Variants in GPBP1L1 observed in about 807,000 individuals in gnomAD.
The protein encoded by GPBP1L1 is vasculin-like protein 1.
In GPBP1L1, 23 loss-of-function variants were observed where a neutral mutation model predicts 52.5. The observed-to-expected ratio is 0.44, with a 90% CI of 0.32 to 0.62. The LOEUF is 0.62. GPBP1L1 is among the 20% of genes least tolerant of loss of function. The probability of loss-of-function intolerance (pLI) is 0.06; values close to 1 mark genes in which losing one functional copy is unlikely to be tolerated. For missense variants in GPBP1L1, 596 were observed against 579.3 expected (o/e 1.03, Z -0.30); for synonymous variants, 243 against 203.1 (o/e 1.20, Z -1.67).
chr1:45,670,787 C>CTTTTTT (rs1157864588), intron 2 of GPBP1L1, among the ~76,000 whole-genome samples: 31 of 111,172 alleles, frequency 2.8e-4, no homozygotes, highest in East Asian at 5.4e-4. Flanking sequence ...TACCATATGT[C>CTTTTTT]TTTTTTTTTT....
chr1:45,674,656 G>A (rs1446429843), intron 2 of GPBP1L1, among the ~76,000 whole-genome samples: 1 of 152,202 alleles, frequency 6.6e-6, no homozygotes, highest in African/African-American at 2.4e-5. Flanking sequence ...GCTGGGCAGT[G>A]CCAGCAAGCC....
At chr1:45,657,471 G>C (rs1644898456) in intron 4 of GPBP1L1, among the ~76,000 whole-genome samples, 1 of 152,132 alleles carries the variant, frequency 6.6e-6, no homozygotes, top group African/African-American at 2.4e-5. Context: ...GGGAAGTCAA[G>C]GCTGCAGTAA....
chr1:45,637,522 A>G (rs1569768704), intron 8 of GPBP1L1, among the ~76,000 whole-genome samples: 2 of 114,416 alleles, frequency 1.7e-5, no homozygotes, highest in Admixed American at 1.8e-4. Flanking sequence ...TCAAGCTTCA[A>G]GAGCAGCAGC....
chr1:45,630,114 C>T (rs549175910), intron 11 of GPBP1L1, among the ~76,000 whole-genome samples: 1 of 152,284 alleles, frequency 6.6e-6, no homozygotes, highest in East Asian at 1.9e-4. Flanking sequence ...CCATGCCCAG[C>T]TACTTTTTGT....
rs1644857459 is a variant in GPBP1L1 at position 45,654,426 on chromosome 1, C to T, written c.477+117G>A. ...TTCTTTCCTCTAAAACAATAAAAAC[C>T]TCAACTTACAAATTCCTTTTTCTGT... On this transcript the variant is annotated intron_variant, in intron 6 of 12. Coordinates refer to ENST00000355105, the MANE Select transcript of GPBP1L1 (RefSeq NM_021639.5). 3.8e-6 allele frequency: 4 copies of T among 1,053,732 alleles called. No homozygotes were observed. The African/African-American group carries it at 4.8e-5, about 13-fold the overall frequency. 65.3% of individuals were successfully genotyped at this position (1,053,732 alleles called of 1,614,324 possible). A position where few individuals can be genotyped will look rare whatever the true frequency, so the allele number is the denominator to read the frequency against.
chr1:45,658,012 C>T (rs897308199), intron 4 of GPBP1L1, among the ~76,000 whole-genome samples: 31 of 152,124 alleles, frequency 2.0e-4, no homozygotes, highest in African/African-American at 5.6e-4. Flanking sequence ...TTCCTCTATT[C>T]GCTGGCAAAA....
intron 2 of GPBP1L1, among the ~76,000 whole-genome samples, chr1:45,672,975 T>C: frequency 6.6e-6 from 1 of 152,198 alleles, no homozygotes; most frequent in East Asian, 1.9e-4. Context: ...TTTTGAGAAG[T>C]GTTGCTGCAC....
chr1:45,685,936 T>TG (rs1645275905), intron 1 of GPBP1L1, among the ~76,000 whole-genome samples: 1 of 151,608 alleles, frequency 6.6e-6, no homozygotes, highest in South Asian at 2.1e-4. Context: ...ACCGGAAAGC[T>TG]GGGGGTTAAA....
At chr1:45,669,568 T>C (rs189026405) in intron 2 of GPBP1L1, among the ~76,000 whole-genome samples, 73 of 152,276 alleles carry the variant, frequency 4.8e-4, no homozygotes, top group African/African-American at 1.3e-3. Flanking sequence ...ATAACAGACA[T>C]AGTTTAGTCA....
chr1:45,639,239 G>A (rs1488379658), intron 8 of GPBP1L1, among the ~76,000 whole-genome samples: 1 of 152,064 alleles, frequency 6.6e-6, no homozygotes, highest in Non-Finnish European at 1.5e-5. Context: ...AGTTCTGTAG[G>A]ACACAGAGAC....
At chr1:45,658,996 T>G in intron 4 of GPBP1L1, 32 bp downstream of exon 4, 47 of 1,437,784 alleles carry the variant, frequency 3.3e-5, no homozygotes, top group Middle Eastern at 1.7e-4. Flanking sequence ...CTCTCATATT[T>G]GAGAAGTTAC....
At chr1:45,642,333 A>C in intron 7 of GPBP1L1, 94 bp downstream of exon 7, 6 of 852,494 alleles carry the variant, frequency 7.0e-6, no homozygotes, top group African/African-American at 1.7e-5. Flanking sequence ...TGAGATGAGA[A>C]ACAAGAGATA....
intron 4 of GPBP1L1, among the ~76,000 whole-genome samples, chr1:45,657,687 C>CA (rs975716960): frequency 2.0e-5 from 3 of 151,952 alleles, no homozygotes; most frequent in Non-Finnish European, 2.9e-5. Context: ...CCTATCTCTA[C>CA]AAAAAACCCA....
intron 6 of GPBP1L1, among the ~76,000 whole-genome samples, chr1:45,643,403 T>C (rs531624857): frequency 1.3e-5 from 2 of 152,288 alleles, no homozygotes; most frequent in African/African-American, 4.8e-5. Context: ...GTTAACATTA[T>C]CTAATTATCA....
intron 6 of GPBP1L1, among the ~76,000 whole-genome samples, chr1:45,643,738 T>C (rs910933609): frequency 2.2e-5 from 3 of 134,202 alleles, no homozygotes; most frequent in Admixed American, 1.7e-4. Context: ...GGCACAATCC[T>C]GGCTCATTGC....
At chr1:45,658,259 C>G (rs1022588048) in intron 4 of GPBP1L1, among the ~76,000 whole-genome samples, 9 of 152,194 alleles carry the variant, frequency 5.9e-5, no homozygotes, top group African/African-American at 2.2e-4. Flanking sequence ...ACTGCCTCTA[C>G]CTTTTCCTCC....
At position 45,654,652 on chromosome 1, in the gene GPBP1L1, C is replaced by T. The variant is rs754243443; in HGVS notation, c.368G>A (p.Ser123Asn). 5 of 1,614,078 alleles carry T rather than the reference C, an allele frequency of 3.1e-6. No individual in the cohort carries two copies. The highest frequency in any genetic ancestry group is 4.5e-5 in the East Asian group (2 of 44,894). ...AGCACACCCTTTCCGGGAGTGGAAG[C>T]TGCCATTCCAATGGCGATGGTTCCC... ...GTGNHRHWNG[S>N]FHSRKGCAFQ... The change falls in exon 6 of 13, where the codon AGC becomes AAC. Residue 123 changes from serine (S) to asparagine (N), a missense_variant. Transcript: ENST00000355105.
chr1:45,652,461 C>G (rs1021704377), intron 6 of GPBP1L1, among the ~76,000 whole-genome samples: 9 of 152,182 alleles, frequency 5.9e-5, no homozygotes, highest in Non-Finnish European at 1.5e-5. Flanking sequence ...ACAATTACTT[C>G]TACTTTACTC....
chr1:45,673,874 A>G (rs896732859), intron 2 of GPBP1L1, among the ~76,000 whole-genome samples: 1 of 152,152 alleles, frequency 6.6e-6, no homozygotes, highest in East Asian at 1.9e-4. Flanking sequence ...AACAAACAAA[A>G]AAAATTGTTT....
Sources: allele counts gnomAD v4.1 joint callset (sites outside exome capture counted in the v4.1 genomes callset), GRCh38; gene constraint gnomAD v4.1.1; transcripts MANE v1.5; gene names NCBI Gene and HGNC (gene_info 2026-07-23, HGNC 2026-07-21).